The following IGF1R variants were observed in gnomAD, a reference collection of about 807,000 sequenced individuals.
IGF1R encodes the protein insulin like growth factor 1 receptor.
A neutral mutation model predicts 144.6 loss-of-function variants in IGF1R; 44 were observed. That is an observed-to-expected ratio of 0.30 (90% CI 0.24 to 0.39). IGF1R has a LOEUF of 0.39. Among genes scored for constraint, IGF1R ranks in the 10% least tolerant of loss-of-function variants. IGF1R has a pLI of 1.00. For missense variants in IGF1R, 1,355 were observed against 1,833.7 expected, an observed-to-expected ratio of 0.74 and a Z score of 4.77; for synonymous variants, 795 against 722.8, an observed-to-expected ratio of 1.10 and a Z score of -1.60.
chr15:98,872,953 T>C (rs1156468625), intron 2 of IGF1R, among the ~76,000 whole-genome samples: 1 of 152,204 alleles, frequency 6.6e-6, no homozygotes, highest in East Asian at 1.9e-4. Flanking sequence ...CTTTAAATTT[T>C]GCCAGCATAG....
At chr15:98,727,663 A>G (rs899456541) in intron 2 of IGF1R, among the ~76,000 whole-genome samples, 1 of 152,110 alleles carries the variant, frequency 6.6e-6, no homozygotes, top group African/African-American at 2.4e-5. Flanking sequence ...CATTATACCC[A>G]GGGGCTGGAG....
At chr15:98,919,278 G>A (rs1482598766) in intron 10 of IGF1R, among the ~76,000 whole-genome samples, 2 of 152,160 alleles carry the variant, frequency 1.3e-5, no homozygotes, top group East Asian at 3.9e-4. Flanking sequence ...TTAGCTCGTG[G>A]CAGCTCCTGC....
At chr15:98,794,161 G>T (rs141360133) in intron 2 of IGF1R, among the ~76,000 whole-genome samples, 7 of 152,270 alleles carry the variant, frequency 4.6e-5, no homozygotes, top group African/African-American at 1.7e-4. Context: ...ACAAGATGTC[G>T]CACATTGAGT....
intron 2 of IGF1R, among the ~76,000 whole-genome samples, chr15:98,828,221 A>C (rs1301405863): frequency 6.6e-6 from 1 of 152,178 alleles, no homozygotes; most frequent in Non-Finnish European, 1.5e-5. Context: ...AGCACCCTAA[A>C]TACTCGGGCT....
At position 98,922,159 on chromosome 15, in the gene IGF1R, A is replaced by G. The variant is rs770616992; in HGVS notation, c.2213A>G (p.Lys738Arg). Residue 738 changes from lysine to arginine, a missense_variant, in exon 11 of 21, where the codon AAG (lysine) becomes AGG (arginine). Transcript: ENST00000650285. ...TCTCCTCCTTGCAGACCTGAAAGGA[A>G]GCGGAGAGATGTCATGCAAGTGGCC... ...NSIFVPRPER[K>R]RRDVMQVANT... 2 of 1,614,194 alleles carry G rather than the reference A, an allele frequency of 1.2e-6. No individual in the cohort carries two copies. The highest frequency in any genetic ancestry group is 4.5e-5 in the East Asian group (2 of 44,874).
chr15:98,758,983 A>G (rs568128305), intron 2 of IGF1R, among the ~76,000 whole-genome samples: 1 of 152,354 alleles, frequency 6.6e-6, no homozygotes, highest in Non-Finnish European at 1.5e-5. Context: ...ATTGCCCTCA[A>G]CTATAAGAAA....
rs535260323 is a variant in IGF1R at position 98,941,289 on chromosome 15, G to A, written c.3458-1634G>A. On this transcript the variant is annotated intron_variant, in intron 18 of 20. Transcript: ENST00000650285. ...CCTCTCCAGATGGCAGTTCCTGTCT[G>A]TGTCTTATTCCCACCCTCCGGGCAC... is the stretch of plus-strand genomic sequence containing the variant. 1.1e-4 allele frequency among the ~76,000 whole-genome samples: 17 copies of A among 152,366 alleles called. No homozygotes were observed. The South Asian group carries it at 1.2e-3, about 11-fold the overall frequency.
At chr15:98,928,690 A>G (rs2015821671) in intron 13 of IGF1R, among the ~76,000 whole-genome samples, 1 of 152,112 alleles carries the variant, frequency 6.6e-6, no homozygotes, top group African/African-American at 2.4e-5. Flanking sequence ...AATTGTTGCC[A>G]TATGTGAAGT....
intron 2 of IGF1R, among the ~76,000 whole-genome samples, chr15:98,798,232 C>G (rs753119793): frequency 2.6e-5 from 4 of 151,992 alleles, no homozygotes; most frequent in East Asian, 1.9e-4. Context: ...GGCAGGTATC[C>G]GGGTACCTTT....
chr15:98,710,067 A>G (rs2053957410), intron 2 of IGF1R, among the ~76,000 whole-genome samples: 1 of 152,160 alleles, frequency 6.6e-6, no homozygotes, highest in African/African-American at 2.4e-5. Flanking sequence ...TGCCTTCCTC[A>G]TAGGGCTGTT....
chr15:98,718,066 A>G (rs908837325), intron 2 of IGF1R, among the ~76,000 whole-genome samples: 1 of 152,110 alleles, frequency 6.6e-6, no homozygotes, highest in African/African-American at 2.4e-5. Flanking sequence ...CCCCCATTGC[A>G]GGAAACAAAC....
chr15:98,709,997 G>A (rs1170316350), intron 2 of IGF1R, among the ~76,000 whole-genome samples: 2 of 152,296 alleles, frequency 1.3e-5, no homozygotes, highest in South Asian at 2.1e-4. Flanking sequence ...GACTAGAAAT[G>A]AGCAAGTTAT....
chr15:98,948,488 G>C (rs538844560), intron 19 of IGF1R, 86 bp from the exon 20 acceptor site: 7 of 1,402,984 alleles, frequency 5.0e-6, no homozygotes, highest in Non-Finnish European at 7.1e-6. Flanking sequence ...TTATCTGCTC[G>C]GGATGTAAGA....
intron 2 of IGF1R, among the ~76,000 whole-genome samples, chr15:98,816,980 G>C (rs1474141238): frequency 3.9e-5 from 6 of 152,184 alleles, no homozygotes; most frequent in Admixed American, 2.0e-4. Flanking sequence ...GTGGTGCTCT[G>C]TCTGCTCCAG....
Position 98,722,216 on chromosome 15 carries a change from T to G in IGF1R, c.640+14109T>G, listed in dbSNP as rs147968918. Among the ~76,000 whole-genome samples the G allele has an allele frequency of 1.1e-4, 16 of 152,266 alleles. No individual in the cohort carries two copies. The East Asian group carries it at 3.1e-3, about 29-fold the overall frequency. ...TGACATTTAAAAGAGAGAGACAACTTATGCGGTGTGACGAGACACTCTACG... is the reference window on the plus strand; with the variant it reads ...TGACATTTAAAAGAGAGAGACAACTGATGCGGTGTGACGAGACACTCTACG... On this transcript the variant is annotated intron_variant, in intron 2 of 20. Transcript: ENST00000650285.
At chr15:98,919,399 C>G (rs1360603319) in intron 10 of IGF1R, among the ~76,000 whole-genome samples, 1 of 152,206 alleles carries the variant, frequency 6.6e-6, no homozygotes, top group Non-Finnish European at 1.5e-5. Flanking sequence ...TTCCACCAAC[C>G]AGCAGGAGGT....
At chr15:98,937,587 C>G (rs2016203617) in intron 17 of IGF1R, among the ~76,000 whole-genome samples, 1 of 152,174 alleles carries the variant, frequency 6.6e-6, no homozygotes, top group African/African-American at 2.4e-5. Flanking sequence ...TATATTCAAC[C>G]TGCTCCCCCG....
At chr15:98,788,951 C>T (rs2056069150) in intron 2 of IGF1R, among the ~76,000 whole-genome samples, 1 of 152,056 alleles carries the variant, frequency 6.6e-6, no homozygotes, top group African/African-American at 2.4e-5. Context: ...TTTTATGCTC[C>T]ATAGTCAGTC....
chr15:98,822,839 A>T (rs2056826662), intron 2 of IGF1R, among the ~76,000 whole-genome samples: 1 of 152,248 alleles, frequency 6.6e-6, no homozygotes, highest in South Asian at 2.1e-4. Flanking sequence ...TAAATTAAGA[A>T]TAATTATTTT....
Sources: allele counts gnomAD v4.1 joint callset (sites outside exome capture counted in the v4.1 genomes callset), GRCh38; gene constraint gnomAD v4.1.1; transcripts MANE v1.5; gene names NCBI Gene and HGNC (gene_info 2026-07-23, HGNC 2026-07-21).